The following LEPR variants were observed in gnomAD, a reference collection of about 807,000 sequenced individuals.
LEPR encodes the protein OB receptor.
In LEPR, 56 loss-of-function variants were observed where a neutral mutation model predicts 114.7. The observed-to-expected ratio is 0.49, with a 90% CI of 0.39 to 0.61. LEPR has a LOEUF of 0.61. LEPR is among the 20% of genes least tolerant of loss of function. The pLI is 0.00. For missense variants in LEPR, 1,202 were observed against 1,352.9 expected (o/e 0.89, Z 1.75); for synonymous variants, 443 against 461.4 (o/e 0.96, Z 0.51).
chr1:65,593,692 G>A (rs1200866383), intron 6 of LEPR, among the ~76,000 whole-genome samples: 4 of 151,992 alleles, frequency 2.6e-5, no homozygotes, highest in Admixed American at 1.3e-4. Context: ...TCGAGATATA[G>A]CACTTTTTGA....
intron 5 of LEPR, among the ~76,000 whole-genome samples, chr1:65,574,397 T>C (rs933229827): frequency 5.7e-5 from 8 of 141,426 alleles, no homozygotes; most frequent in African/African-American, 2.0e-4. Flanking sequence ...TAAAGTATAA[T>C]AATAATAAAA....
chr1:65,527,682 G>T (rs535382090), intron 2 of LEPR, among the ~76,000 whole-genome samples: 1 of 152,236 alleles, frequency 6.6e-6, no homozygotes, highest in African/African-American at 2.4e-5. Context: ...AGAGTGAAAT[G>T]GATTTGAAGT....
rs527959543 is a variant in LEPR, at chr1:65,455,454, G to A, written c.-21+30076G>A. Among the ~76,000 whole-genome samples the A allele has an allele frequency of 5.0e-3, 766 of 152,296 alleles. 8 individuals are homozygous for A. Among genetic ancestry groups the A allele is most frequent in the African/African-American group, 0.018 (736 of 41,550 alleles). The stretch of plus-strand genomic sequence containing the variant: ...TTTGATGATGGTGATGTACAGATGG[G>A]TTTTTGGTGTGGATGTCCTTTCTGT... On this transcript the variant is annotated intron_variant, in intron 2 of 19. Coordinates refer to ENST00000349533, the MANE Select transcript of LEPR (RefSeq NM_002303.6).
At chr1:65,462,639 C>T (rs1320843485) in intron 2 of LEPR, among the ~76,000 whole-genome samples, 2 of 152,224 alleles carry the variant, frequency 1.3e-5, no homozygotes, top group East Asian at 3.8e-4. Context: ...ATTCCTATTT[C>T]TCCACATCCT....
At chr1:65,421,074 C>G (rs1480636328) in intron 1 of LEPR, among the ~76,000 whole-genome samples, 2 of 152,238 alleles carry the variant, frequency 1.3e-5, no homozygotes, top group African/African-American at 2.4e-5. Context: ...TGACGCCACC[C>G]TAACGCCTTT....
intron 2 of LEPR, among the ~76,000 whole-genome samples, chr1:65,549,347 T>C (rs568789907): frequency 2.3e-4 from 35 of 151,232 alleles, no homozygotes; most frequent in African/African-American, 6.6e-4. Context: ...TGAATCTGAA[T>C]GTTGGCCTGC....
At chr1:65,464,988 T>G (rs1000496910) in intron 2 of LEPR, among the ~76,000 whole-genome samples, 1 of 152,206 alleles carries the variant, frequency 6.6e-6, no homozygotes, top group African/African-American at 2.4e-5. Context: ...CTGGATTCAT[T>G]GATTTTTTTG....
intron 2 of LEPR, chr1:65,486,378 C>G (rs1322408495): frequency 6.6e-6 from 1 of 152,134 alleles, no homozygotes; most frequent in East Asian, 1.9e-4. Context: ...TGAGTTCTCT[C>G]TTTTCTCCAC....
chr1:65,452,340 C>T (rs1646797868), intron 2 of LEPR, among the ~76,000 whole-genome samples: 1 of 149,646 alleles, frequency 6.7e-6, no homozygotes, highest in Non-Finnish European at 1.5e-5. Context: ...TGAGAGAGGG[C>T]ATCCCTGTCT....
intron 2 of LEPR, among the ~76,000 whole-genome samples, chr1:65,453,067 A>C (rs1200912748): frequency 1.3e-5 from 2 of 152,184 alleles, no homozygotes; most frequent in African/African-American, 4.8e-5. Flanking sequence ...TTATTTGCAT[A>C]GAGGTGTTTG....
chr1:65,570,455 T>C lies in LEPR; in HGVS notation c.41-18T>C. On this transcript the variant is annotated intron_variant, in intron 3 of 19. Coordinates refer to ENST00000349533, the MANE Select transcript of LEPR (RefSeq NM_002303.6). ...AAATGATTACTTTTTTCTATGTGTC[T>C]TTTTAATATCCTAACAGAATTTATT... is the stretch of plus-strand genomic sequence containing the variant. The C allele has an allele frequency of 6.2e-7, 1 of 1,610,532 alleles. No individual in the cohort carries two copies.
intron 2 of LEPR, among the ~76,000 whole-genome samples, chr1:65,464,921 CTTCT>C (rs1646990505): frequency 6.6e-6 from 1 of 151,940 alleles, no homozygotes; most frequent in African/African-American, 2.4e-5. Context: ...TCTCTCTTTT[CTTCT>C]TTATTAGTCT....
chr1:65,482,123 TACAC>T (rs141690381), intron 2 of LEPR, among the ~76,000 whole-genome samples: 1 of 149,526 alleles, frequency 6.7e-6, no homozygotes, highest in South Asian at 2.1e-4. Flanking sequence ...ATTTTACACA[TACAC>T]ACACACACAC....
rs191116298 is a variant in LEPR at position 65,537,054 on chromosome 1, G to A, written c.-20-28492G>A. On this transcript the variant is annotated intron_variant, in intron 2 of 19. Coordinates refer to ENST00000349533, the MANE Select transcript of LEPR (RefSeq NM_002303.6). ...AGATCACAGCTGCTACCAGGCCATC[G>A]GGAATTGTAAGATGCTATAAATTTA... 1.1e-4 allele frequency among the ~76,000 whole-genome samples: 16 copies of A among 152,202 alleles called. No homozygotes were observed. The East Asian group carries it at 3.1e-3, about 29-fold the overall frequency.
At position 65,633,700 on chromosome 1, in the gene LEPR, G is replaced by C. The variant is rs757132699; in HGVS notation, c.2674-2491G>C. 3.0e-6 allele frequency: 3 copies of C among 985,216 alleles called. No individual in the cohort carries two copies. The highest frequency in any genetic ancestry group is 3.5e-5 in the African/African-American group (2 of 57,212). The allele number at this position is 985,216 out of a possible 1,614,324, so 61.0% of individuals were successfully genotyped here. Reference sequence around the variant, plus strand: ...TATAGACACGTCAGCCTAAAAATCAGCCTATTCGGGTGTTCTTTTGAATAT... The same window carrying C: ...TATAGACACGTCAGCCTAAAAATCACCCTATTCGGGTGTTCTTTTGAATAT... On this transcript the variant is annotated intron_variant, in intron 19 of 19. Transcript: ENST00000349533. The surrounding 1 kb of genome is among the most constrained non-coding windows in gnomAD (Gnocchi z 4.1).
rs528483799 is a variant in LEPR, at chr1:65,636,742, G to A, written c.3225G>A (p.Lys1075=). ...TCCCTGAAGAAAATAATGATAAAAA[G>A]TCTATCTATTATTTAGGGGTCACCT... The part of the protein sequence containing the change: ...GNFPEENNDK[K]SIYYLGVTSI... The change falls in exon 20 of 20, where the codon AAG becomes AAA. Residue 1075 remains lysine (K), a synonymous_variant. Transcript: ENST00000349533. 1 of 1,612,202 alleles carries A rather than the reference G, an allele frequency of 6.2e-7. No homozygotes were observed. The highest frequency in any genetic ancestry group is 1.7e-5 in the Admixed American group (1 of 59,692).
intron 2 of LEPR, among the ~76,000 whole-genome samples, chr1:65,441,638 A>G (rs1020340941): frequency 6.6e-6 from 1 of 152,168 alleles, no homozygotes; most frequent in Non-Finnish European, 1.5e-5. Flanking sequence ...TTTAGATAAT[A>G]AAGTGAGGAG....
intron 2 of LEPR, among the ~76,000 whole-genome samples, chr1:65,473,517 C>T (rs1395844597): frequency 6.6e-6 from 1 of 152,084 alleles, no homozygotes; most frequent in African/African-American, 2.4e-5. Flanking sequence ...AAGAGACTTC[C>T]TTGAATCTTT....
At chr1:65,555,450 C>T (rs1469831981) in intron 2 of LEPR, among the ~76,000 whole-genome samples, 1 of 152,064 alleles carries the variant, frequency 6.6e-6, no homozygotes, top group African/African-American at 2.4e-5. Flanking sequence ...TAAGAATGGC[C>T]ACAGTAGACT....
Sources: gnomAD v4.1 joint callset for allele counts (sites outside exome capture counted in the v4.1 genomes callset) on GRCh38, gnomAD v4.1.1 for gene constraint, Gnocchi (gnomAD v3.1) non-coding constraint, MANE v1.5 for transcripts, NCBI Gene and HGNC (gene_info 2026-07-23, HGNC 2026-07-21) for gene names.